Variants in DIPK1A observed in about 807,000 individuals in gnomAD.
The protein encoded by DIPK1A is family with sequence similarity 69 member A.
Under a neutral mutation model 40.8 loss-of-function variants are expected in DIPK1A, and 27 were observed. The observed-to-expected ratio is 0.66, with a 90% CI of 0.49 to 0.91. The LOEUF (loss-of-function observed/expected upper bound fraction) is 0.91, where lower values mean the gene tolerates loss of function less well. Among genes scored for constraint, DIPK1A ranks in the 40% least tolerant of loss-of-function variants. The probability of loss-of-function intolerance (pLI) is 0.00; values close to 1 mark genes in which losing one functional copy is unlikely to be tolerated. For missense variants in DIPK1A, 412 were observed against 505.7 expected (o/e 0.81, Z 1.78); for synonymous variants, 166 against 171.3 (o/e 0.97, Z 0.24).
At chr1:92,907,800 A>T (rs1173452199) in intron 1 of DIPK1A, among the ~76,000 whole-genome samples, 1 of 152,146 alleles carries the variant, frequency 6.6e-6, no homozygotes, top group African/African-American at 2.4e-5. Flanking sequence ...TCAAAGCTGA[A>T]CAAACTGTAC....
chr1:92,933,004 T>C (rs894686577), intron 1 of DIPK1A: 1 of 152,202 alleles, frequency 6.6e-6, no homozygotes, highest in African/African-American at 2.4e-5. Flanking sequence ...GGGATGTTGA[T>C]AGTGGAGGAG....
intron 4 of DIPK1A, among the ~76,000 whole-genome samples, chr1:92,844,889 CT>C (rs1057369993): frequency 2.0e-5 from 3 of 149,042 alleles, no homozygotes; most frequent in African/African-American, 7.4e-5. Flanking sequence ...GAAAATAAAA[CT>C]TTTTTCTAAA....
intron 1 of DIPK1A, among the ~76,000 whole-genome samples, chr1:92,898,192 A>G (rs949504500): frequency 2.0e-5 from 3 of 151,640 alleles, no homozygotes; most frequent in Non-Finnish European, 4.4e-5. Context: ...CATGGTGCCA[A>G]CATCTGCTCA....
chr1:92,953,826 G>A, intron 1 of DIPK1A, among the ~76,000 whole-genome samples: 1 of 152,120 alleles, frequency 6.6e-6, no homozygotes, highest in Admixed American at 6.5e-5. Flanking sequence ...CTTTGTTGCT[G>A]CACAAAGTGC....
chr1:92,893,786 C>CA (rs1649022593), intron 1 of DIPK1A, among the ~76,000 whole-genome samples: 2 of 151,460 alleles, frequency 1.3e-5, no homozygotes, highest in Non-Finnish European at 2.9e-5. Flanking sequence ...CACATAGGCT[C>CA]AAAATAAGGG....
At position 92,845,524 on chromosome 1, in the gene DIPK1A, A is replaced by C. The variant is rs765834328; in HGVS notation, c.475-1329T>G. 17 of 391,898 alleles carry C rather than the reference A, an allele frequency of 4.3e-5. 1 individual carries two copies. Among genetic ancestry groups the C allele is most frequent in the South Asian group, 1.8e-4 (10 of 54,636 alleles). 24.3% of individuals were successfully genotyped at this position (391,898 alleles called of 1,614,324 possible). A position where few individuals can be genotyped will look rare whatever the true frequency, so the allele number is the denominator to read the frequency against. On this transcript the variant is annotated intron_variant, in intron 4 of 4. Transcript: ENST00000370310. ...TCTATGCTAGAAAAAAAAAAAAAAA[A>C]AAAAACCGTCTCTGCTGAAAAAAAA...
At chr1:92,925,783 C>T (rs981758884) in intron 1 of DIPK1A, among the ~76,000 whole-genome samples, 4 of 152,200 alleles carry the variant, frequency 2.6e-5, no homozygotes, top group Admixed American at 6.5e-5. Flanking sequence ...TGTGAGCCAC[C>T]GTGCCAGGCC....
intron 1 of DIPK1A, among the ~76,000 whole-genome samples, chr1:92,904,245 G>A (rs1390846203): frequency 3.3e-5 from 5 of 152,152 alleles, no homozygotes; most frequent in African/African-American, 7.2e-5. Flanking sequence ...TGTTTTTGCT[G>A]TGGCATTGCA....
At chr1:92,957,022 G>A (rs1020036409) in intron 1 of DIPK1A, among the ~76,000 whole-genome samples, 3 of 152,200 alleles carry the variant, frequency 2.0e-5, no homozygotes, top group Admixed American at 1.3e-4. Flanking sequence ...TGGAAAATGT[G>A]TATAATCTAA....
chr1:92,833,140 T>C (rs1686976845), intron 4 of DIPK1A: 5 of 669,850 alleles, frequency 7.5e-6, no homozygotes, highest in Non-Finnish European at 8.1e-6. Context: ...CTGCATTTTG[T>C]ATGTTTCTTT....
intron 1 of DIPK1A, among the ~76,000 whole-genome samples, chr1:92,948,288 G>A (rs1651450287): frequency 6.6e-6 from 1 of 152,138 alleles, no homozygotes; most frequent in South Asian, 2.1e-4. Flanking sequence ...ATGTTGTCTG[G>A]AAAACTGGAA....
rs1182337133 is a variant in DIPK1A, at chr1:92,842,987, A to T, written c.*396T>A. The T allele has an allele frequency of 1.0e-6, 1 of 994,172 alleles. No homozygotes were observed. The highest frequency in any genetic ancestry group is 4.6e-5 in the South Asian group (1 of 21,898). 61.6% of individuals were successfully genotyped at this position (994,172 alleles called of 1,614,324 possible). Reference sequence around the variant, plus strand: ...ACTTTACCATGCTAAGACATTAGTAAATTTATAAATTTTCTTGTTGAACAG... The same window carrying T: ...ACTTTACCATGCTAAGACATTAGTATATTTATAAATTTTCTTGTTGAACAG... On this transcript the variant is annotated 3_prime_UTR_variant, in exon 5 of 5. Coordinates refer to ENST00000370310, the MANE Select transcript of DIPK1A (RefSeq NM_001006605.5).
intron 1 of DIPK1A, among the ~76,000 whole-genome samples, chr1:92,920,520 G>A (rs552613187): frequency 1.6e-4 from 24 of 152,248 alleles, no homozygotes; most frequent in Admixed American, 5.9e-4. Flanking sequence ...TAATACACCA[G>A]GACATGTTCA....
At position 92,844,268 on chromosome 1, in the gene DIPK1A, G is replaced by C. The variant is rs965061793; in HGVS notation, c.475-73C>G. The C allele has an allele frequency of 4.3e-6, 4 of 921,808 alleles. No homozygotes were observed. The East Asian group carries it at 7.9e-5, about 18-fold the overall frequency. 57.1% of individuals were successfully genotyped at this position (921,808 alleles called of 1,614,324 possible). A position where few individuals can be genotyped will look rare whatever the true frequency, so the allele number is the denominator to read the frequency against. ...CATGCAACATACTAAGTTTCTTTACGGGCATTATTAACCATGCCAGAAATA... is the reference window on the plus strand; with the variant it reads ...CATGCAACATACTAAGTTTCTTTACCGGCATTATTAACCATGCCAGAAATA... On this transcript the variant is annotated intron_variant, in intron 4 of 4. Transcript: ENST00000370310.
chr1:92,893,616 A>G (rs1649007660), intron 1 of DIPK1A, among the ~76,000 whole-genome samples: 2 of 152,002 alleles, frequency 1.3e-5, no homozygotes, highest in Non-Finnish European at 2.9e-5. Flanking sequence ...ATAACCAGCT[A>G]ACATCATAAT....
intron 1 of DIPK1A, chr1:92,931,704 A>T (rs1263513700): frequency 6.2e-6 from 1 of 162,336 alleles, no homozygotes. Flanking sequence ...ACTTCTAATT[A>T]TTATCAGTCT....
At chr1:92,914,081 T>C (rs1053344558) in intron 1 of DIPK1A, among the ~76,000 whole-genome samples, 3 of 151,854 alleles carry the variant, frequency 2.0e-5, no homozygotes, top group African/African-American at 7.3e-5. Flanking sequence ...TGTCTCTCTC[T>C]CTGACATCCA....
intron 1 of DIPK1A, among the ~76,000 whole-genome samples, chr1:92,954,302 A>AT: frequency 6.6e-6 from 1 of 151,422 alleles, no homozygotes; most frequent in Non-Finnish European, 1.5e-5. Context: ...TGTCTCACAA[A>AT]AAAAAAAATA....
chr1:92,887,382 C>T (rs1248688440), intron 1 of DIPK1A, among the ~76,000 whole-genome samples: 1 of 151,836 alleles, frequency 6.6e-6, no homozygotes, highest in African/African-American at 2.4e-5. Flanking sequence ...GCTATGATCA[C>T]ACCACTGTAC....
Sources: gnomAD v4.1 joint callset for allele counts (sites outside exome capture counted in the v4.1 genomes callset) on GRCh38, gnomAD v4.1.1 for gene constraint, MANE v1.5 for transcripts, NCBI Gene and HGNC (gene_info 2026-07-23, HGNC 2026-07-21) for gene names.